The following PINX1 variants were observed in gnomAD, a reference collection of about 807,000 sequenced individuals.
PINX1 encodes the protein PIN2 (TERF1) interacting telomerase inhibitor 1.
In PINX1, 34 loss-of-function variants were observed where a neutral mutation model predicts 25.4. The ratio of observed to expected loss-of-function variants is 1.34; its 90% CI spans 1.02 to 1.78. The LOEUF (loss-of-function observed/expected upper bound fraction) is 1.78, where lower values mean the gene tolerates loss of function less well. Ranked by LOEUF, PINX1 falls within the 40% of genes most tolerant of loss-of-function variation. PINX1 has a pLI of 0.00. For synonymous variants in PINX1, 197 were observed against 147.7 expected (o/e 1.33, Z -2.42); for missense variants, 592 against 404.9 (o/e 1.46, Z -3.97).
At chr8:10,774,181 G>A (rs887212772) in intron 6 of PINX1, among the ~76,000 whole-genome samples, 1 of 152,084 alleles carries the variant, frequency 6.6e-6, no homozygotes, top group African/African-American at 2.4e-5. Context: ...AATTGCTGAA[G>A]AACCATGACA....
intron 6 of PINX1, among the ~76,000 whole-genome samples, chr8:10,791,643 T>C (rs1167332259): frequency 6.6e-6 from 1 of 151,992 alleles, no homozygotes; most frequent in African/African-American, 2.4e-5. Flanking sequence ...GACTGGTGGG[T>C]TATTTTGGTT....
intron 6 of PINX1, among the ~76,000 whole-genome samples, chr8:10,810,371 G>C (rs1797457895): frequency 6.6e-6 from 1 of 152,124 alleles, no homozygotes; most frequent in Non-Finnish European, 1.5e-5. Context: ...TGCTGCTTTT[G>C]CCTTTTGATG....
intron 6 of PINX1, among the ~76,000 whole-genome samples, chr8:10,773,223 T>C (rs1163923319): frequency 6.6e-6 from 1 of 152,164 alleles, no homozygotes; most frequent in Non-Finnish European, 1.5e-5. Flanking sequence ...TATACCTTTA[T>C]ATACACACAT....
chr8:10,834,796 T>G, intron 1 of PINX1, 21 bp from the exon 2 acceptor site: 1 of 1,560,504 alleles, frequency 6.4e-7, no homozygotes, highest in Non-Finnish European at 8.8e-7. Flanking sequence ...AAAAGCATTA[T>G]CATCAGCAAT....
chr8:10,788,285 G>C lies in PINX1; in HGVS notation c.472-22369C>G, dbSNP rs1222829151. Among the ~76,000 whole-genome samples, 5 of 152,216 alleles carry C rather than the reference G, an allele frequency of 3.3e-5. 1 individual carries two copies. Among genetic ancestry groups the C allele is most frequent in the African/African-American group, 1.2e-4 (5 of 41,472 alleles). On this transcript the variant is annotated intron_variant, in intron 6 of 6. Coordinates refer to ENST00000314787, the MANE Select transcript of PINX1 (RefSeq NM_017884.6). The stretch of plus-strand genomic sequence containing the variant: ...AGTTTTAAAAAGTGAATGTAGGCTA[G>C]ACACAGTGGCTCACATCTGTAATCC...
intron 6 of PINX1, among the ~76,000 whole-genome samples, chr8:10,807,331 C>CA (rs1243129161): frequency 3.9e-4 from 37 of 95,042 alleles, no homozygotes; most frequent in Non-Finnish European, 5.9e-4. Context: ...CCCCCCACCC[C>CA]CCCCCCCACC....
chr8:10,791,654 T>C (rs1035622807), intron 6 of PINX1, among the ~76,000 whole-genome samples: 11 of 152,206 alleles, frequency 7.2e-5, no homozygotes, highest in African/African-American at 2.7e-4. Flanking sequence ...TATTTTGGTT[T>C]GGGGAGCTCC....
rs143614041 is a variant in PINX1 at position 10,816,945 on chromosome 8, G to T, written c.471+3248C>A. Among the ~76,000 whole-genome samples, 165 of 152,308 alleles carry T rather than the reference G, an allele frequency of 1.1e-3. 1 individual carries two copies. The highest frequency in any genetic ancestry group is 3.6e-3 in the African/African-American group (148 of 41,566). On this transcript the variant is annotated intron_variant, in intron 6 of 6. Transcript: ENST00000314787. ...CTGATATTTACATGACGGGATTGCT[G>T]TGAGGATGAAATGAGAAAAATCCAG...
Position 10,777,543 on chromosome 8 carries a change from G to C in PINX1, c.472-11627C>G, listed in dbSNP as rs72549117. On this transcript the variant is annotated intron_variant, in intron 6 of 6. Coordinates refer to ENST00000314787, the MANE Select transcript of PINX1 (RefSeq NM_017884.6). ...TGGCAATGAACGAAGCTAGTTGAAG[G>C]GGGGTTGGGTGTGCGAGTGGCTTGG... 1.3e-3 allele frequency among the ~76,000 whole-genome samples: 191 copies of C among 152,318 alleles called. 2 individuals are homozygous for C. The Middle Eastern group carries it at 0.024, about 19-fold the overall frequency.
At chr8:10,781,906 A>G (rs1191858482) in intron 6 of PINX1, among the ~76,000 whole-genome samples, 1 of 151,946 alleles carries the variant, frequency 6.6e-6, no homozygotes, top group Non-Finnish European at 1.5e-5. Flanking sequence ...AGCAGTTTGC[A>G]TAATAGCCAA....
At chr8:10,831,075 CAT>C (rs1586209033) in intron 4 of PINX1, among the ~76,000 whole-genome samples, 1 of 152,220 alleles carries the variant, frequency 6.6e-6, no homozygotes, top group Non-Finnish European at 1.5e-5. Flanking sequence ...AACTGGGAAA[CAT>C]GTGGTGCATA....
intron 6 of PINX1, among the ~76,000 whole-genome samples, chr8:10,805,123 C>T (rs900086655): frequency 6.6e-6 from 1 of 152,208 alleles, no homozygotes; most frequent in Non-Finnish European, 1.5e-5. Flanking sequence ...AGGCCTGTCT[C>T]TCCTGGCAGA....
rs78359407 is a variant in PINX1, at chr8:10,799,457, C to T, written c.471+20736G>A. On this transcript the variant is annotated intron_variant, in intron 6 of 6. Coordinates refer to ENST00000314787, the MANE Select transcript of PINX1 (RefSeq NM_017884.6). ...CCATCCTTCTTCTGCCTGGCTCTGC[C>T]ATTTCTCTTACTCTGCATTCTAGAC... Among the ~76,000 whole-genome samples, 306 of 152,292 alleles carry T rather than the reference C, an allele frequency of 2.0e-3. 1 individual carries two copies. The highest frequency in any genetic ancestry group is 7.2e-3 in the African/African-American group (299 of 41,548).
At chr8:10,776,763 A>C (rs1211192518) in intron 6 of PINX1, among the ~76,000 whole-genome samples, 1 of 152,156 alleles carries the variant, frequency 6.6e-6, no homozygotes, top group East Asian at 1.9e-4. Context: ...CAGACCTGTC[A>C]CCAGAGTCGC....
At chr8:10,791,474 G>T (rs572574870) in intron 6 of PINX1, among the ~76,000 whole-genome samples, 15 of 152,298 alleles carry the variant, frequency 9.8e-5, no homozygotes, top group African/African-American at 3.6e-4. Flanking sequence ...CGAGGGCTGA[G>T]GGGATCAACC....
At chr8:10,788,655 T>A (rs995157785) in intron 6 of PINX1, among the ~76,000 whole-genome samples, 1 of 152,138 alleles carries the variant, frequency 6.6e-6, no homozygotes, top group East Asian at 1.9e-4. Context: ...ACCTAAGGCA[T>A]CTGTGTCTAA....
At chr8:10,798,489 T>C (rs1472817146) in intron 6 of PINX1, among the ~76,000 whole-genome samples, 2 of 152,088 alleles carry the variant, frequency 1.3e-5, no homozygotes, top group South Asian at 2.1e-4. Context: ...TAAAAGAAAA[T>C]ATAACAGTGG....
intron 6 of PINX1, among the ~76,000 whole-genome samples, chr8:10,801,694 T>C (rs924576309): frequency 6.6e-6 from 1 of 152,168 alleles, no homozygotes; most frequent in African/African-American, 2.4e-5. Context: ...TTTCTGACTT[T>C]TAAAGCAATC....
chr8:10,837,483 G>C (rs1225631855), intron 1 of PINX1, among the ~76,000 whole-genome samples: 1 of 152,178 alleles, frequency 6.6e-6, no homozygotes, highest in Non-Finnish European at 1.5e-5. Flanking sequence ...TCCTGTGCCT[G>C]AATCCCCCAG....
Sources: gnomAD v4.1 joint callset for allele counts (sites outside exome capture counted in the v4.1 genomes callset) on GRCh38, gnomAD v4.1.1 for gene constraint, MANE v1.5 for transcripts, NCBI Gene and HGNC (gene_info 2026-07-23, HGNC 2026-07-21) for gene names.